CCDC138: variants seen among roughly 807,000 people sequenced by gnomAD.
CCDC138 encodes coiled-coil domain containing 138.
Under a neutral mutation model 82.3 loss-of-function variants are expected in CCDC138, and 66 were observed. The ratio of observed to expected loss-of-function variants is 0.80; its 90% CI spans 0.66 to 0.98. CCDC138 has a LOEUF of 0.98. Ranked by LOEUF, CCDC138 falls within the 50% of genes least tolerant of loss-of-function variation. The probability of loss-of-function intolerance (pLI) is 0.00; values close to 1 mark genes in which losing one functional copy is unlikely to be tolerated. For synonymous variants in CCDC138, 297 were observed against 265.4 expected (o/e 1.12, Z -1.16); for missense variants, 816 against 758.9 (o/e 1.08, Z -0.88).
chr2:108,835,941 C>A (rs1429488274), intron 10 of CCDC138, among the ~76,000 whole-genome samples: 1 of 152,092 alleles, frequency 6.6e-6, no homozygotes, highest in African/African-American at 2.4e-5. Context: ...ACAGGATGAA[C>A]GTTGTGTGCC....
intron 10 of CCDC138, among the ~76,000 whole-genome samples, chr2:108,828,141 T>C (rs2150180484): frequency 6.6e-6 from 1 of 152,302 alleles, no homozygotes; most frequent in South Asian, 2.1e-4. Context: ...GGTGGTTCTA[T>C]ACCATACTTC....
At chr2:108,879,038 A>C (rs1219660947), downstream of CCDC138, among the ~76,000 whole-genome samples, 3 of 16,838 alleles carry the variant, frequency 1.8e-4, no homozygotes, top group Non-Finnish European at 1.6e-3. Flanking sequence ...TCATGTTCTA[A>C]ATAAATTTGA....
rs1190678121 is a variant in CCDC138, at chr2:108,846,755, A to G, written c.1341A>G (p.Ser447=). ...TTTAACAGCACTCGACTATGACATC[A>G]ACATTGAGGAGATTGGGTGAAGACA... is the stretch of plus-strand genomic sequence containing the variant. ...DAGAQHSTMT[S]TLRRLGEDIF... Residue 447 remains serine (S), a synonymous_variant, in exon 12 of 15, where the codon TCA becomes TCG. Transcript: ENST00000295124. The G allele has an allele frequency of 6.2e-7, 1 of 1,610,392 alleles. No homozygotes were observed. Among genetic ancestry groups the G allele is most frequent in the Non-Finnish European group, 8.5e-7 (1 of 1,178,376 alleles).
At chr2:108,868,640 G>A (rs1167386802) in intron 13 of CCDC138, among the ~76,000 whole-genome samples, 1 of 152,132 alleles carries the variant, frequency 6.6e-6, no homozygotes, top group Non-Finnish European at 1.5e-5. Flanking sequence ...CTAGAAATCT[G>A]CTGAGAGTTT....
chr2:108,842,644 C>A (rs1689699459), intron 11 of CCDC138, among the ~76,000 whole-genome samples: 2 of 152,006 alleles, frequency 1.3e-5, no homozygotes, highest in Admixed American at 6.6e-5. Context: ...TCTAGCTATT[C>A]CATAGGGAAG....
intron 10 of CCDC138, among the ~76,000 whole-genome samples, chr2:108,834,534 A>G (rs1367942776): frequency 6.6e-6 from 1 of 152,138 alleles, no homozygotes; most frequent in Non-Finnish European, 1.5e-5. Flanking sequence ...CTTTTTATAC[A>G]CTAAGTATTG....
chr2:108,863,350 A>G (rs72935931), intron 13 of CCDC138, among the ~76,000 whole-genome samples: 10,981 of 152,262 alleles, frequency 0.072, 511 homozygotes, highest in South Asian at 0.15. Context: ...AGGAAATACA[A>G]TGGGAAGGTT....
chr2:108,839,461 G>C (rs150446014), intron 11 of CCDC138, among the ~76,000 whole-genome samples, 160 bp downstream of exon 11: 143 of 152,228 alleles, frequency 9.4e-4, no homozygotes, highest in African/African-American at 3.4e-3. Flanking sequence ...TGTTAAACCT[G>C]TATATTAATT....
chr2:108,803,529 C>T (rs1471296688), intron 6 of CCDC138, among the ~76,000 whole-genome samples: 1 of 152,200 alleles, frequency 6.6e-6, no homozygotes, highest in Non-Finnish European at 1.5e-5. Context: ...TCATAGCTCA[C>T]TGCACCCTCA....
At chr2:108,884,903 C>T (rs1212495029) in intron 2 of CCDC138, 1 of 152,222 alleles carries the variant, frequency 6.6e-6, no homozygotes, top group African/African-American at 2.4e-5. Context: ...TGTGGCCAGG[C>T]TTTTCAGCCC....
intron 7 of CCDC138, among the ~76,000 whole-genome samples, chr2:108,807,076 T>C (rs1042544034): frequency 2.6e-5 from 4 of 152,116 alleles, no homozygotes; most frequent in African/African-American, 4.8e-5. Flanking sequence ...TTTCATTCTA[T>C]ACAAAATTAA....
chr2:108,795,918 T>G (rs1680788780), intron 5 of CCDC138, among the ~76,000 whole-genome samples: 1 of 152,238 alleles, frequency 6.6e-6, no homozygotes, highest in South Asian at 2.1e-4. Flanking sequence ...TTGATAACAC[T>G]TTATAGGATA....
At chr2:108,787,950 A>T in intron 1 of CCDC138, 82 bp from the exon 2 acceptor site, 1 of 1,152,680 alleles carries the variant, frequency 8.7e-7, no homozygotes. Flanking sequence ...CTTTGTAATT[A>T]ATACATAATT....
intron 11 of CCDC138, among the ~76,000 whole-genome samples, chr2:108,845,793 G>A (rs1169783657): frequency 1.3e-5 from 2 of 151,992 alleles, no homozygotes; most frequent in African/African-American, 2.4e-5. Context: ...GGATGGTCTC[G>A]ATCTCCTGAC....
chr2:108,868,949 A>G (rs1694838593), intron 13 of CCDC138, among the ~76,000 whole-genome samples: 1 of 152,054 alleles, frequency 6.6e-6, no homozygotes, highest in South Asian at 2.1e-4. Context: ...TATAAGTTGG[A>G]TTTTCTCTAC....
At position 108,848,553 on chromosome 2, in the gene CCDC138, C is replaced by T. The variant is rs34477065; in HGVS notation, c.1516+1623C>T. Among the ~76,000 whole-genome samples, 1,229 of 152,190 alleles carry T rather than the reference C, an allele frequency of 8.1e-3. 11 individuals carry two copies. Among genetic ancestry groups the T allele is most frequent in the South Asian group, 0.013 (65 of 4,826 alleles). ...CTTTTATTCTTCCTGCCTATGAAGA[C>T]GAAGTGTTTTAAAAATAAGATGTCC... On this transcript the variant is annotated intron_variant, in intron 12 of 14. Transcript: ENST00000295124.
chr2:108,871,147 T>G (rs1294466767), intron 13 of CCDC138, among the ~76,000 whole-genome samples: 3 of 152,058 alleles, frequency 2.0e-5, no homozygotes, highest in Non-Finnish European at 4.4e-5. Flanking sequence ...AAGGAAATAC[T>G]TTTACAGAAA....
At chr2:108,867,282 A>G (rs1694564942) in intron 13 of CCDC138, among the ~76,000 whole-genome samples, 1 of 152,224 alleles carries the variant, frequency 6.6e-6, no homozygotes, top group South Asian at 2.1e-4. Flanking sequence ...GCTGGAAGCT[A>G]GAACTCCAGA....
At chr2:108,833,645 A>G (rs1688060084) in intron 10 of CCDC138, among the ~76,000 whole-genome samples, 1 of 152,156 alleles carries the variant, frequency 6.6e-6, no homozygotes, top group South Asian at 2.1e-4. Context: ...AGTGAAAGAT[A>G]CCAGTACTTA....
Sources: allele counts gnomAD v4.1 joint callset (sites outside exome capture counted in the v4.1 genomes callset), GRCh38; gene constraint gnomAD v4.1.1; transcripts MANE v1.5; gene names NCBI Gene and HGNC (gene_info 2026-07-23, HGNC 2026-07-21).